The following BMPR1B variants were observed in gnomAD, a reference collection of about 807,000 sequenced individuals.
The protein encoded by BMPR1B is bone morphogenetic protein receptor type-1B.
BMPR1B carries 12 observed loss-of-function variants against 59.1 expected under a neutral mutation model. The observed-to-expected ratio is 0.20, with a 90% CI of 0.13 to 0.33. The LOEUF (loss-of-function observed/expected upper bound fraction) is 0.33, where lower values mean the gene tolerates loss of function less well. BMPR1B is among the 10% of genes least tolerant of loss of function. The pLI is 1.00. For missense variants in BMPR1B, 550 were observed against 610.9 expected (o/e 0.90, Z 1.05); for synonymous variants, 237 against 207.3 (o/e 1.14, Z -1.23).
chr4:95,072,976 G>A (rs915476741), intron 3 of BMPR1B, among the ~76,000 whole-genome samples: 2 of 152,062 alleles, frequency 1.3e-5, no homozygotes, highest in Admixed American at 1.3e-4. Flanking sequence ...ATATGATATA[G>A]CTCTTGCTTT....
At chr4:94,989,389 A>T (rs77361335) in intron 2 of BMPR1B, among the ~76,000 whole-genome samples, 1 of 39,796 alleles carries the variant, frequency 2.5e-5, no homozygotes, top group Non-Finnish European at 6.4e-5. Flanking sequence ...CTCCGTCTAA[A>T]AAAAAAAAAA....
chr4:95,146,776 C>T (rs75036531), intron 10 of BMPR1B, among the ~76,000 whole-genome samples: 6,015 of 152,262 alleles, frequency 0.04, 399 homozygotes, highest in African/African-American at 0.14. Flanking sequence ...CCCTACTCTG[C>T]TCCCATGAGA....
chr4:94,953,614 C>T (rs1206990269), intron 2 of BMPR1B, among the ~76,000 whole-genome samples: 2 of 152,208 alleles, frequency 1.3e-5, no homozygotes, highest in African/African-American at 2.4e-5. Flanking sequence ...AGGGTTTCTG[C>T]AGAGAGATCC....
intron 3 of BMPR1B, among the ~76,000 whole-genome samples, chr4:95,075,984 C>T (rs1398295233): frequency 2.0e-5 from 3 of 152,074 alleles, no homozygotes; most frequent in South Asian, 2.1e-4. Context: ...AGGCATTGAA[C>T]TATGAATATC....
chr4:95,038,070 A>G (rs1322461798), intron 3 of BMPR1B, among the ~76,000 whole-genome samples: 1 of 152,182 alleles, frequency 6.6e-6, no homozygotes. Context: ...TGTAGTAGTA[A>G]ATAGAGTACT....
chr4:94,970,406 C>T (rs1730744391), intron 2 of BMPR1B, among the ~76,000 whole-genome samples: 1 of 151,906 alleles, frequency 6.6e-6, no homozygotes, highest in Admixed American at 6.6e-5. Context: ...ACCTCTGCCT[C>T]GTGGGTTGAA....
chr4:95,075,232 A>G (rs549900550), intron 3 of BMPR1B, among the ~76,000 whole-genome samples: 63 of 152,288 alleles, frequency 4.1e-4, no homozygotes, highest in African/African-American at 1.5e-3. Context: ...TGTTTTCACC[A>G]TCTGTTCTTC....
At chr4:94,979,902 T>G (rs1302063297) in intron 2 of BMPR1B, among the ~76,000 whole-genome samples, 3 of 152,202 alleles carry the variant, frequency 2.0e-5, no homozygotes, top group Non-Finnish European at 4.4e-5. Flanking sequence ...CACTGCATCT[T>G]ATTACTCCGG....
In BMPR1B at chr4:95,067,727, A is replaced by T. The variant is rs114219903; in HGVS notation, c.-17-36681A>T. Among the ~76,000 whole-genome samples, 450 of 152,332 alleles carry T rather than the reference A, an allele frequency of 3.0e-3. 1 individual carries two copies. The highest frequency in any genetic ancestry group is 0.01 in the African/African-American group (434 of 41,578). On this transcript the variant is annotated intron_variant, in intron 3 of 12. Transcript: ENST00000515059. ...ATTTTATTACATCTTTAAGCATATAATGACTTGAAGAAACCATTTTTTCCT... is the reference window on the plus strand; with the variant it reads ...ATTTTATTACATCTTTAAGCATATATTGACTTGAAGAAACCATTTTTTCCT...
At chr4:95,141,752 A>G (rs1734244892) in intron 10 of BMPR1B, among the ~76,000 whole-genome samples, 1 of 152,132 alleles carries the variant, frequency 6.6e-6, no homozygotes, top group Admixed American at 6.5e-5. Flanking sequence ...AGAACAAAAT[A>G]TTTTCATATG....
intron 2 of BMPR1B, among the ~76,000 whole-genome samples, chr4:94,972,442 AT>A (rs1001503886): frequency 1.1e-4 from 17 of 151,480 alleles, no homozygotes; most frequent in Non-Finnish European, 2.1e-4. Flanking sequence ...ATTTTGGTTA[AT>A]TTTTTTTTCA....
chr4:95,132,492 A>G (rs1733432720), intron 10 of BMPR1B, among the ~76,000 whole-genome samples: 1 of 152,188 alleles, frequency 6.6e-6, no homozygotes, highest in Non-Finnish European at 1.5e-5. Flanking sequence ...CACCATGTAA[A>G]GGATGGGAAA....
intron 1 of BMPR1B, among the ~76,000 whole-genome samples, chr4:94,873,064 T>C (rs76431627): frequency 6.8e-6 from 1 of 146,820 alleles, no homozygotes; most frequent in African/African-American, 2.5e-5. Context: ...ATCTATATGA[T>C]TTTTTTTTTT....
chr4:95,064,409 G>A (rs1727645868), intron 3 of BMPR1B, among the ~76,000 whole-genome samples: 1 of 152,076 alleles, frequency 6.6e-6, no homozygotes, highest in African/African-American at 2.4e-5. Flanking sequence ...GCATGCAAGG[G>A]TTCATGCACA....
At chr4:95,136,155 T>C (rs1255694235) in intron 10 of BMPR1B, among the ~76,000 whole-genome samples, 1 of 152,140 alleles carries the variant, frequency 6.6e-6, no homozygotes, top group Non-Finnish European at 1.5e-5. Flanking sequence ...CAATAATTAA[T>C]AGCCTACCAA....
At chr4:95,066,577 GCAAAGT>G (rs1292211943) in intron 3 of BMPR1B, among the ~76,000 whole-genome samples, 2 of 152,194 alleles carry the variant, frequency 1.3e-5, no homozygotes, top group Non-Finnish European at 2.9e-5. Flanking sequence ...AATAGTTTAA[GCAAAGT>G]CAAAGTGAGA....
intron 2 of BMPR1B, among the ~76,000 whole-genome samples, chr4:94,902,074 TGTGTGTGTGTGTGG>T (rs1371734752): frequency 7.6e-6 from 1 of 131,468 alleles, no homozygotes; most frequent in Non-Finnish European, 1.7e-5. Context: ...TGTGTGTGTG[TGTGTGTGTGTGTGG>T]GGTGTATTTA....
chr4:95,145,755 C>G (rs1734595608), intron 10 of BMPR1B, among the ~76,000 whole-genome samples: 2 of 152,182 alleles, frequency 1.3e-5, no homozygotes, highest in Non-Finnish European at 2.9e-5. Context: ...TTTACAGTAT[C>G]AGATATGGAT....
chr4:94,841,855 G>A (rs763849647), intron 1 of BMPR1B, among the ~76,000 whole-genome samples: 1 of 152,166 alleles, frequency 6.6e-6, no homozygotes, highest in African/African-American at 2.4e-5. Context: ...GAATAAAGTG[G>A]TTTTCAGTAA....
Sources: allele counts gnomAD v4.1 joint callset (sites outside exome capture counted in the v4.1 genomes callset), GRCh38; gene constraint gnomAD v4.1.1; transcripts MANE v1.5; gene names NCBI Gene and HGNC (gene_info 2026-07-23, HGNC 2026-07-21).